Variants in BMERB1 observed in about 807,000 individuals in gnomAD.
The protein encoded by BMERB1 is bMERB domain containing 1.
Under a neutral mutation model 23.6 loss-of-function variants are expected in BMERB1, and 12 were observed. The observed-to-expected ratio is 0.51, with a 90% confidence interval of 0.33 to 0.82. The LOEUF (loss-of-function observed/expected upper bound fraction) is 0.82, where lower values mean the gene tolerates loss of function less well. Among genes scored for constraint, BMERB1 ranks in the 40% least tolerant of loss-of-function variants. The pLI, the probability that BMERB1 is intolerant of heterozygous loss-of-function variation, is 0.03. For missense variants in BMERB1, 247 were observed against 255.4 expected, an observed-to-expected ratio of 0.97 and a Z score of 0.22; for synonymous variants, 122 against 96.6, an observed-to-expected ratio of 1.26 and a Z score of -1.54.
chr16:15,578,752 T>G (rs1485904215), intron 3 of BMERB1, among the ~76,000 whole-genome samples: 1 of 152,166 alleles, frequency 6.6e-6, no homozygotes, highest in Non-Finnish European at 1.5e-5. Context: ...CCCTTGGGTC[T>G]CTTTTATAAG....
intron 1 of BMERB1, among the ~76,000 whole-genome samples, chr16:15,499,093 C>T (rs1450752391): frequency 2.0e-5 from 3 of 152,224 alleles, no homozygotes; most frequent in Non-Finnish European, 4.4e-5. Flanking sequence ...GTGTTGGGTC[C>T]TCCCAGGATT....
At chr16:15,455,963 C>A (rs1342922334) in intron 1 of BMERB1, among the ~76,000 whole-genome samples, 1 of 152,090 alleles carries the variant, frequency 6.6e-6, no homozygotes, top group Non-Finnish European at 1.5e-5. Flanking sequence ...TGACGTTTTC[C>A]TTTCTTTTCA....
intron 1 of BMERB1, among the ~76,000 whole-genome samples, chr16:15,439,259 C>G (rs989465561): frequency 6.6e-6 from 1 of 151,864 alleles, no homozygotes; most frequent in African/African-American, 2.4e-5. Context: ...GATTTGTGAC[C>G]CTGGGAAAAT....
Position 15,544,448 on chromosome 16 carries a change from C to T in BMERB1, c.231-23535C>T, listed in dbSNP as rs565329698. Among the ~76,000 whole-genome samples the T allele has an allele frequency of 9.2e-5, 14 of 152,254 alleles. No homozygotes were observed. In the East Asian group the frequency reaches 2.3e-3, roughly 25 times the overall value. ...GTATGCAAAGCATCATGGTGGGCCCCGCAGGGAAGACTAAAATGGGTAGGA... is the reference window on the plus strand; with the variant it reads ...GTATGCAAAGCATCATGGTGGGCCCTGCAGGGAAGACTAAAATGGGTAGGA... On this transcript the variant is annotated intron_variant, in intron 2 of 5. Coordinates refer to ENST00000300006, the MANE Select transcript of BMERB1 (RefSeq NM_033201.3).
rs1307070479 is a variant in BMERB1 at position 15,531,394 on chromosome 16, C to CA, written c.230+15970dup. 3.3e-5 allele frequency among the ~76,000 whole-genome samples: 5 copies of CA among 152,218 alleles called. No homozygotes were observed. In the South Asian group the frequency reaches 1.0e-3, roughly 32 times the overall value. On this transcript the variant is annotated intron_variant, in intron 2 of 5. Transcript: ENST00000300006. Reference sequence around the variant, plus strand: ...GAAGCATGAGCCACCATGCCTGGCCCAAAATCCCTTTTGCCGTGTAAGGTA... The same window carrying CA: ...GAAGCATGAGCCACCATGCCTGGCCCAAAAATCCCTTTTGCCGTGTAAGGTA...
intron 2 of BMERB1, among the ~76,000 whole-genome samples, chr16:15,550,406 C>G: frequency 6.6e-6 from 1 of 152,116 alleles, no homozygotes; most frequent in Admixed American, 6.6e-5. Flanking sequence ...AATCTCAGCT[C>G]ACTGCAACCT....
At chr16:15,551,153 G>A (rs777637558) in intron 2 of BMERB1, among the ~76,000 whole-genome samples, 4 of 152,326 alleles carry the variant, frequency 2.6e-5, no homozygotes, top group African/African-American at 4.8e-5. Flanking sequence ...CTGACTCACC[G>A]CCTTTGATAG....
At chr16:15,451,086 TA>T (rs908132340) in intron 1 of BMERB1, among the ~76,000 whole-genome samples, 10 of 151,954 alleles carry the variant, frequency 6.6e-5, no homozygotes, top group South Asian at 4.2e-4. Context: ...GTAACCAGCA[TA>T]AAAAAAATGA....
chr16:15,539,801 C>A (rs942454012), intron 2 of BMERB1, among the ~76,000 whole-genome samples: 3 of 151,020 alleles, frequency 2.0e-5, no homozygotes, highest in Non-Finnish European at 4.4e-5. Flanking sequence ...CGAGATCGTA[C>A]CACTGCACTC....
At position 15,558,683 on chromosome 16, in the gene BMERB1, CAT is replaced by C. The variant is rs548365018; in HGVS notation, c.231-9296_231-9295del. On this transcript the variant is annotated intron_variant, in intron 2 of 5. Transcript: ENST00000300006. Reference sequence around the variant, plus strand: ...ATATGACATATATGTACCATAATGACATATAGTGACATATGTAAGGAAGCCGG... The same window carrying C: ...ATATGACATATATGTACCATAATGACATAGTGACATATGTAAGGAAGCCGG... Among the ~76,000 whole-genome samples the C allele has an allele frequency of 9.9e-5, 15 of 151,548 alleles. No homozygotes were observed. The East Asian group carries it at 2.8e-3, about 28-fold the overall frequency.
chr16:15,563,033 T>C (rs2030466766), intron 2 of BMERB1, among the ~76,000 whole-genome samples: 1 of 152,174 alleles, frequency 6.6e-6, no homozygotes, highest in South Asian at 2.1e-4. Flanking sequence ...GTGGTTTGTA[T>C]GTCTGTCTCC....
intron 1 of BMERB1, among the ~76,000 whole-genome samples, chr16:15,482,461 A>G (rs926275935): frequency 4.6e-5 from 7 of 152,142 alleles, no homozygotes; most frequent in Non-Finnish European, 8.8e-5. Context: ...TGAATCCTGC[A>G]TTGATTTGTT....
chr16:15,435,915 T>G (rs1241432072), intron 1 of BMERB1, among the ~76,000 whole-genome samples: 1 of 152,168 alleles, frequency 6.6e-6, no homozygotes, highest in African/African-American at 2.4e-5. Context: ...ACTGCCAACC[T>G]CTTTCCTTTT....
At chr16:15,446,438 G>T (rs2050990654) in intron 1 of BMERB1, among the ~76,000 whole-genome samples, 1 of 152,124 alleles carries the variant, frequency 6.6e-6, no homozygotes, top group Non-Finnish European at 1.5e-5. Context: ...CATGCATGAA[G>T]TTCTTCCTAT....
chr16:15,536,550 G>T (rs1413330004), intron 2 of BMERB1: 1 of 152,416 alleles, frequency 6.6e-6, no homozygotes, highest in South Asian at 2.1e-4. Context: ...CTGCTTCCCC[G>T]ATTGAGCACT....
chr16:15,493,122 G>GTGGGCAGATCACCTGAGT (rs1352790591), intron 1 of BMERB1, among the ~76,000 whole-genome samples: 1 of 152,132 alleles, frequency 6.6e-6, no homozygotes, highest in African/African-American at 2.4e-5. Flanking sequence ...GGAGGCTGAG[G>GTGGGCAGATCACCTGAGT]TGGGCAGATC....
chr16:15,586,967 G>C lies in BMERB1; in HGVS notation c.*138G>C. 1 of 640,524 alleles carries C rather than the reference G, an allele frequency of 1.6e-6. No individual in the cohort carries two copies. The highest frequency in any genetic ancestry group is 2.8e-5 in the East Asian group (1 of 36,284). The allele number at this position is 640,524 out of a possible 1,614,324, so 39.7% of individuals were successfully genotyped here. On this transcript the variant is annotated 3_prime_UTR_variant, in exon 6 of 6. Transcript: ENST00000300006. Reference sequence around the variant, plus strand: ...GCCCGTGACTGTCACCAGAGGCCATGGGCACGGCAGGCGGGCCTGGCCACC... The same window carrying C: ...GCCCGTGACTGTCACCAGAGGCCATCGGCACGGCAGGCGGGCCTGGCCACC...
At chr16:15,533,555 G>C (rs956141564) in intron 2 of BMERB1, among the ~76,000 whole-genome samples, 9 of 152,144 alleles carry the variant, frequency 5.9e-5, no homozygotes, top group South Asian at 4.2e-4. Flanking sequence ...TCAGGTGTAG[G>C]GGGGCTTGAG....
intron 2 of BMERB1, 24 bp downstream of exon 2, chr16:15,515,452 A>G: frequency 6.2e-7 from 1 of 1,610,086 alleles, no homozygotes; most frequent in Non-Finnish European, 8.5e-7. Flanking sequence ...GGATGTGGCC[A>G]AGGAAAGAAG....
Sources: gnomAD v4.1 joint callset for allele counts (sites outside exome capture counted in the v4.1 genomes callset) on GRCh38, gnomAD v4.1.1 for gene constraint, MANE v1.5 for transcripts, NCBI Gene and HGNC (gene_info 2026-07-23, HGNC 2026-07-21) for gene names.